The following DPYD variants were observed in gnomAD, a reference collection of about 807,000 sequenced individuals.
DPYD encodes the protein dihydropyrimidine dehydrogenase.
Under a neutral mutation model 116.2 loss-of-function variants are expected in DPYD, and 109 were observed. That is an observed-to-expected ratio of 0.94 (90% CI 0.80 to 1.10). DPYD has a LOEUF of 1.10. Among genes scored for constraint, DPYD ranks in the 50% least tolerant of loss-of-function variants. The pLI, the probability that DPYD is intolerant of heterozygous loss-of-function variation, is 0.00. For synonymous variants in DPYD, 440 were observed against 432.0 expected, an observed-to-expected ratio of 1.02 and a Z score of -0.23; for missense variants, 1,302 against 1,254.5, an observed-to-expected ratio of 1.04 and a Z score of -0.57.
intron 8 of DPYD, among the ~76,000 whole-genome samples, chr1:97,669,936 C>T (rs1018687466): frequency 6.6e-6 from 1 of 152,260 alleles, no homozygotes; most frequent in African/African-American, 2.4e-5. Flanking sequence ...CCAAACTTTA[C>T]ATAGCAGCGA....
chr1:97,183,106 T>TAA (rs202193805), intron 20 of DPYD, among the ~76,000 whole-genome samples: 25,728 of 151,944 alleles, frequency 0.17, 2,642 homozygotes, highest in Middle Eastern at 0.27. Context: ...ATTTTTCCTT[T>TAA]CCCCAAGGTT....
At chr1:97,816,536 CATAA>C (rs1230118189) in intron 3 of DPYD, among the ~76,000 whole-genome samples, 2 of 152,042 alleles carry the variant, frequency 1.3e-5, no homozygotes, top group African/African-American at 4.8e-5. Flanking sequence ...TTAAAAGAAT[CATAA>C]ATAAACTAAC....
chr1:97,657,589 G>A (rs933128074), intron 8 of DPYD, among the ~76,000 whole-genome samples: 3 of 152,026 alleles, frequency 2.0e-5, no homozygotes, highest in Admixed American at 6.6e-5. Flanking sequence ...TAAGCAACTG[G>A]TTTTATTTTT....
chr1:97,676,492 G>C (rs1436667781), intron 8 of DPYD, among the ~76,000 whole-genome samples: 1 of 152,144 alleles, frequency 6.6e-6, no homozygotes, highest in African/African-American at 2.4e-5. Context: ...ATTGTTACAT[G>C]AGAAAGAACT....
At chr1:97,588,046 A>G (rs1363949750) in intron 10 of DPYD, among the ~76,000 whole-genome samples, 1 of 152,132 alleles carries the variant, frequency 6.6e-6, no homozygotes. Context: ...GCTATTTCAA[A>G]GTTGTAGTAC....
intron 14 of DPYD, among the ~76,000 whole-genome samples, chr1:97,415,961 CTT>C (rs1175900142): frequency 6.6e-6 from 1 of 151,978 alleles, no homozygotes; most frequent in African/African-American, 2.4e-5. Flanking sequence ...TATATAATGT[CTT>C]ATACATTTAT....
At chr1:97,268,300 T>C (rs1249143680) in intron 18 of DPYD, among the ~76,000 whole-genome samples, 3 of 151,992 alleles carry the variant, frequency 2.0e-5, no homozygotes, top group African/African-American at 4.8e-5. Context: ...AGTTGCATGC[T>C]GGTGGCACCA....
At chr1:97,180,423 T>C (rs12740796) in intron 20 of DPYD, among the ~76,000 whole-genome samples, 20,208 of 152,124 alleles carry the variant, frequency 0.13, 1,634 homozygotes, top group East Asian at 0.28. Context: ...GTATTTTCTT[T>C]ACTCCATAAA....
intron 8 of DPYD, among the ~76,000 whole-genome samples, chr1:97,613,459 G>C (rs768601983): frequency 2.0e-5 from 3 of 151,844 alleles, no homozygotes; most frequent in African/African-American, 7.3e-5. Flanking sequence ...TTTATCATCT[G>C]TTTTACATAA....
chr1:97,088,988 T>G (rs1428933760), intron 21 of DPYD, among the ~76,000 whole-genome samples: 2 of 152,174 alleles, frequency 1.3e-5, no homozygotes. Context: ...CTCCATAGTA[T>G]CCAATATGGT....
intron 2 of DPYD, among the ~76,000 whole-genome samples, chr1:97,839,046 C>T (rs895229854): frequency 1.3e-5 from 2 of 152,100 alleles, no homozygotes; most frequent in African/African-American, 4.8e-5. Flanking sequence ...ATCAGACTTC[C>T]TTACACCTTG....
chr1:97,900,728 T>C (rs997600741), intron 1 of DPYD, among the ~76,000 whole-genome samples: 10 of 151,970 alleles, frequency 6.6e-5, no homozygotes, highest in African/African-American at 2.2e-4. Flanking sequence ...GAATAAAATA[T>C]ATCCAATGCT....
chr1:97,241,864 T>C (rs1259269068), intron 18 of DPYD, among the ~76,000 whole-genome samples: 10 of 151,680 alleles, frequency 6.6e-5, no homozygotes, highest in African/African-American at 2.4e-4. Context: ...CTAATATTAG[T>C]GTCAAAGCCA....
At chr1:97,804,361 A>G (rs1232864984) in intron 3 of DPYD, among the ~76,000 whole-genome samples, 5 of 151,852 alleles carry the variant, frequency 3.3e-5, no homozygotes, top group Admixed American at 1.3e-4. Context: ...GAGTAGTGAA[A>G]CAATTGAAAG....
intron 3 of DPYD, among the ~76,000 whole-genome samples, chr1:97,772,884 C>T (rs1325927334): frequency 1.3e-5 from 2 of 152,074 alleles, no homozygotes; most frequent in African/African-American, 4.8e-5. Flanking sequence ...GCTGAGAGGC[C>T]AGATTTCTGA....
chr1:97,406,516 T>G (rs1253294998), intron 14 of DPYD, among the ~76,000 whole-genome samples: 1 of 151,896 alleles, frequency 6.6e-6, no homozygotes, highest in African/African-American at 2.4e-5. Context: ...ATCCTTCATC[T>G]ACATTAGGTA....
At chr1:97,310,552 A>C (rs138255754) in intron 16 of DPYD, among the ~76,000 whole-genome samples, 1 of 151,912 alleles carries the variant, frequency 6.6e-6, no homozygotes, top group East Asian at 2.0e-4. Context: ...GCACAATTAT[A>C]ATATTAGTGA....
chr1:97,810,047 G>A (rs185704392), intron 3 of DPYD, among the ~76,000 whole-genome samples: 2 of 152,188 alleles, frequency 1.3e-5, no homozygotes, highest in East Asian at 1.9e-4. Flanking sequence ...AGCACTTTGG[G>A]AGGCCGACGC....
At chr1:97,286,646 C>A (rs1272586970) in intron 18 of DPYD, among the ~76,000 whole-genome samples, 2 of 152,060 alleles carry the variant, frequency 1.3e-5, no homozygotes, top group Non-Finnish European at 2.9e-5. Flanking sequence ...TCTAAACTTC[C>A]CTTCTCACTT....
Sources: gnomAD v4.1 joint callset for allele counts (sites outside exome capture counted in the v4.1 genomes callset) on GRCh38, gnomAD v4.1.1 for gene constraint, MANE v1.5 for transcripts, NCBI Gene and HGNC (gene_info 2026-07-23, HGNC 2026-07-21) for gene names.